The following MAN1A1 variants were observed in gnomAD, a reference collection of about 807,000 sequenced individuals.
The protein encoded by MAN1A1 is mannosidase alpha class 1A member 1, also known as mannosyl-oligosaccharide 1,2-alpha-mannosidase IA.
A neutral mutation model predicts 70.8 loss-of-function variants in MAN1A1; 29 were observed. That is an observed-to-expected ratio of 0.41 (90% confidence interval 0.31 to 0.56). The LOEUF (loss-of-function observed/expected upper bound fraction) is 0.56, where lower values mean the gene tolerates loss of function less well. Ranked by LOEUF, MAN1A1 falls within the 20% of genes least tolerant of loss-of-function variation. The pLI is 0.29. For synonymous variants in MAN1A1, 349 were observed against 330.1 expected (o/e 1.06, Z -0.62); for missense variants, 747 against 841.3 (o/e 0.89, Z 1.39).
At chr6:119,298,270 C>T (rs931003731) in intron 4 of MAN1A1, among the ~76,000 whole-genome samples, 5 of 152,142 alleles carry the variant, frequency 3.3e-5, no homozygotes, top group Non-Finnish European at 7.4e-5. Flanking sequence ...GTCCTTGTTC[C>T]TTACTCCCCA....
At chr6:119,233,355 C>T (rs1172551068) in intron 6 of MAN1A1, among the ~76,000 whole-genome samples, 1 of 152,056 alleles carries the variant, frequency 6.6e-6, no homozygotes, top group Non-Finnish European at 1.5e-5. Flanking sequence ...TAAGAGTGTG[C>T]CGCAAATTTA....
intron 2 of MAN1A1, among the ~76,000 whole-genome samples, chr6:119,318,261 T>C (rs1772908447): frequency 6.6e-6 from 1 of 152,216 alleles, no homozygotes; most frequent in Admixed American, 6.5e-5. Context: ...TGTAAAGCAT[T>C]TCTCCGCTCA....
Position 119,204,988 on chromosome 6 carries a change from C to T in MAN1A1, c.993-106G>A, listed in dbSNP as rs1773820295. ...CAGCTTTTAAAAAAAGGCATCCTAG[C>T]TAATAGTCCACTCTAGATATTATAA... On this transcript the variant is annotated intron_variant, in intron 6 of 12. Coordinates refer to ENST00000368468, the MANE Select transcript of MAN1A1 (RefSeq NM_005907.4). 14 of 1,145,186 alleles carry T rather than the reference C, an allele frequency of 1.2e-5. No individual in the cohort carries two copies. In the South Asian group the frequency reaches 1.9e-4, roughly 15 times the overall value. 70.9% of individuals were successfully genotyped at this position (1,145,186 alleles called of 1,614,324 possible).
At chr6:119,185,099 G>C (rs1390429431) in intron 11 of MAN1A1, among the ~76,000 whole-genome samples, 1 of 152,092 alleles carries the variant, frequency 6.6e-6, no homozygotes, top group Admixed American at 6.6e-5. Context: ...TGTTGCCCAG[G>C]CTGATCTCAA....
intron 11 of MAN1A1, among the ~76,000 whole-genome samples, chr6:119,186,001 G>C (rs1010829041): frequency 6.6e-6 from 1 of 152,000 alleles, no homozygotes; most frequent in Non-Finnish European, 1.5e-5. Context: ...GAAAATCAAG[G>C]GAAATGATGG....
chr6:119,307,363 T>A lies in MAN1A1; in HGVS notation c.604-371A>T, dbSNP rs575647768. On this transcript the variant is annotated intron_variant, in intron 2 of 12. Transcript: ENST00000368468. ...TAACAGATTAAATCTGCAAAGACTA[T>A]CTTTAAAATTTATATTTCTGCACAA... Among the ~76,000 whole-genome samples, 3 of 152,312 alleles carry A rather than the reference T, an allele frequency of 2.0e-5. No individual in the cohort carries two copies. The East Asian group carries it at 5.8e-4, about 29-fold the overall frequency.
intron 6 of MAN1A1, among the ~76,000 whole-genome samples, chr6:119,234,623 T>C (rs1774789305): frequency 6.6e-6 from 1 of 152,084 alleles, no homozygotes; most frequent in Non-Finnish European, 1.5e-5. Flanking sequence ...CTTTGTTGCC[T>C]AGGCTGCTGT....
chr6:119,248,614 A>G (rs1775232735), intron 5 of MAN1A1, among the ~76,000 whole-genome samples: 1 of 152,158 alleles, frequency 6.6e-6, no homozygotes, highest in Non-Finnish European at 1.5e-5. Context: ...TACTGATGTG[A>G]ACGTCTTACT....
At position 119,349,044 on chromosome 6, in the gene MAN1A1, G is replaced by A. The variant is rs762815088; in HGVS notation, c.22C>T (p.Pro8Ser). The change falls in exon 2 of 13, where the codon CCG becomes TCG. Residue 8 changes from proline to serine, a missense_variant. Physicochemically the swap from Pro to Ser is moderately conservative, Grantham distance 74. Around this residue, in one of 2 missense-constraint regions of MAN1A1, gnomAD observed 328 missense variants for 293.1 expected, o/e 1.12. Transcript: ENST00000368468. MPVGGLLPLFSSPAGGVL... is the reference protein window; with the variant it reads MPVGGLLSLFSSPAGGVL... ...CCGCCCGCGGGGCTGCTGAAGAGCG[G>A]CAACAGGCCCCCCACGGGCATCGCT... The A allele has an allele frequency of 2.3e-6, 3 of 1,328,988 alleles. No homozygotes were observed. Among genetic ancestry groups the A allele is most frequent in the Non-Finnish European group, 2.9e-6 (3 of 1,036,814 alleles). 82.3% of individuals were successfully genotyped at this position (1,328,988 alleles called of 1,614,324 possible).
chr6:119,322,081 G>A (rs1359666138), intron 2 of MAN1A1, among the ~76,000 whole-genome samples: 1 of 152,094 alleles, frequency 6.6e-6, no homozygotes, highest in Non-Finnish European at 1.5e-5. Context: ...CAGCAGGGTG[G>A]AACCTGTCCT....
At chr6:119,281,598 T>C (rs1776226328) in intron 5 of MAN1A1, among the ~76,000 whole-genome samples, 1 of 152,216 alleles carries the variant, frequency 6.6e-6, no homozygotes, top group Admixed American at 6.5e-5. Flanking sequence ...GGAAGGATGA[T>C]GAGAAGCAGA....
At chr6:119,272,510 C>G (rs1775951645) in intron 5 of MAN1A1, among the ~76,000 whole-genome samples, 1 of 152,046 alleles carries the variant, frequency 6.6e-6, no homozygotes, top group African/African-American at 2.4e-5. Flanking sequence ...CTGACTGTGC[C>G]AGGTATCTCA....
At chr6:119,323,193 C>T (rs1006220748) in intron 2 of MAN1A1, among the ~76,000 whole-genome samples, 1 of 152,142 alleles carries the variant, frequency 6.6e-6, no homozygotes, top group African/African-American at 2.4e-5. Flanking sequence ...AAAAATATGG[C>T]AGACATGATC....
chr6:119,259,165 A>C (rs1775539177), intron 5 of MAN1A1, among the ~76,000 whole-genome samples: 1 of 152,182 alleles, frequency 6.6e-6, no homozygotes, highest in Admixed American at 6.5e-5. Flanking sequence ...ACTAGCTATC[A>C]GTTCATTACA....
intron 6 of MAN1A1, among the ~76,000 whole-genome samples, chr6:119,214,465 T>TA (rs1774141918): frequency 6.6e-6 from 1 of 152,172 alleles, no homozygotes; most frequent in African/African-American, 2.4e-5. Context: ...GTTTATAAAA[T>TA]AAGTTTTTAA....
chr6:119,286,893 T>A (rs1776388230), intron 5 of MAN1A1, among the ~76,000 whole-genome samples: 1 of 152,144 alleles, frequency 6.6e-6, no homozygotes, highest in Non-Finnish European at 1.5e-5. Context: ...TCTGCCATAT[T>A]TATATTCACC....
intron 6 of MAN1A1, among the ~76,000 whole-genome samples, chr6:119,216,919 T>C (rs1443453170): frequency 1.3e-5 from 2 of 152,246 alleles, no homozygotes; most frequent in Non-Finnish European, 2.9e-5. Flanking sequence ...TGCACAGTAT[T>C]CTGTGGATGT....
chr6:119,346,768 G>A (rs1659486187), intron 2 of MAN1A1, among the ~76,000 whole-genome samples: 1 of 152,174 alleles, frequency 6.6e-6, no homozygotes, highest in Non-Finnish European at 1.5e-5. Context: ...TCGGACAACT[G>A]TGATTTTTGT....
At chr6:119,212,654 A>G (rs1369070846) in intron 6 of MAN1A1, among the ~76,000 whole-genome samples, 1 of 152,206 alleles carries the variant, frequency 6.6e-6, no homozygotes, top group Non-Finnish European at 1.5e-5. Context: ...GTAGAGGAAA[A>G]ACAGTTTTTG....
Sources: gnomAD v4.1 joint callset for allele counts (sites outside exome capture counted in the v4.1 genomes callset) on GRCh38, gnomAD v4.1.1 for gene constraint, gnomAD v4.1.1 regional missense constraint, MANE v1.5 for transcripts, NCBI Gene and HGNC (gene_info 2026-07-23, HGNC 2026-07-21) for gene names.